PRDM15: variants seen among roughly 807,000 people sequenced by gnomAD.
PRDM15 encodes PR/SET domain 15.
PRDM15 carries 64 observed loss-of-function variants against 128.6 expected under a neutral mutation model. The ratio of observed to expected loss-of-function variants is 0.50; its 90% CI spans 0.41 to 0.61. The LOEUF is 0.61. Among genes scored for constraint, PRDM15 ranks in the 20% least tolerant of loss-of-function variants. The probability of loss-of-function intolerance (pLI) is 0.00; values close to 1 mark genes in which losing one functional copy is unlikely to be tolerated. For missense variants in PRDM15, 1,242 were observed against 1,569.1 expected (o/e 0.79, Z 3.52); for synonymous variants, 615 against 621.8 (o/e 0.99, Z 0.16).
At chr21:41,803,043 G>A (rs1216560444) in intron 22 of PRDM15, 122 bp from the exon 23 acceptor site, 8 of 757,034 alleles carry the variant, frequency 1.1e-5, no homozygotes, top group East Asian at 9.9e-5. Flanking sequence ...GTGGGCCACC[G>A]AGCTGCCACA....
chr21:41,848,476 T>C (rs558169272), intron 5 of PRDM15, among the ~76,000 whole-genome samples: 11 of 152,304 alleles, frequency 7.2e-5, no homozygotes, highest in Non-Finnish European at 1.5e-4. Flanking sequence ...TCTGTTCCCT[T>C]TTACGCTTGC....
At chr21:41,816,525 G>A (rs1388349188) in intron 18 of PRDM15, among the ~76,000 whole-genome samples, 1 of 152,218 alleles carries the variant, frequency 6.6e-6, no homozygotes, top group Non-Finnish European at 1.5e-5. Context: ...TGCCTGCCCA[G>A]GGCGGTGGGC....
At chr21:41,825,740 T>C (rs572077150) in intron 13 of PRDM15, among the ~76,000 whole-genome samples, 24 of 152,290 alleles carry the variant, frequency 1.6e-4, no homozygotes, top group African/African-American at 5.5e-4. Context: ...GGAAGAATCC[T>C]TCTTTCTCAG....
intron 21 of PRDM15, 101 bp from the exon 22 acceptor site, chr21:41,804,715 C>T: frequency 1.3e-6 from 1 of 796,916 alleles, no homozygotes; most frequent in Non-Finnish European, 1.9e-6. Flanking sequence ...ACCACTCCTG[C>T]CCTTCCCTCC....
Position 41,852,638 on chromosome 21 carries a change from C to T in PRDM15, c.538+1928G>A, listed in dbSNP as rs573442236. Reference sequence around the variant, plus strand: ...GTCTTTCTCTGCGAAGGGTGCGAAGCCCCCAGTACACTCAGCTCACTTTAC... The same window carrying T: ...GTCTTTCTCTGCGAAGGGTGCGAAGTCCCCAGTACACTCAGCTCACTTTAC... On this transcript the variant is annotated intron_variant, in intron 5 of 23. Coordinates refer to ENST00000398548, the MANE Select transcript of PRDM15 (RefSeq NM_001040424.3). 2.3e-4 allele frequency among the ~76,000 whole-genome samples: 35 copies of T among 152,364 alleles called. No individual in the cohort carries two copies. The South Asian group carries it at 6.4e-3, about 28-fold the overall frequency.
At chr21:41,866,200 G>A (rs1239708347) in intron 1 of PRDM15, among the ~76,000 whole-genome samples, 2 of 152,230 alleles carry the variant, frequency 1.3e-5, no homozygotes, top group African/African-American at 2.4e-5. Flanking sequence ...AGATAATTAA[G>A]AGTGGTTGGA....
At chr21:41,818,767 G>A (rs1363329316) in intron 18 of PRDM15, among the ~76,000 whole-genome samples, 2 of 152,026 alleles carry the variant, frequency 1.3e-5, no homozygotes, top group Non-Finnish European at 2.9e-5. Context: ...AAACTTTTAG[G>A]AAGTTGTTTT....
chr21:41,850,661 G>A (rs146035693), intron 5 of PRDM15, among the ~76,000 whole-genome samples: 12 of 152,284 alleles, frequency 7.9e-5, no homozygotes, highest in East Asian at 5.8e-4. Flanking sequence ...TTGAGCCCAC[G>A]AGGGCGGCTG....
At chr21:41,803,063 G>A in intron 22 of PRDM15, 142 bp from the exon 23 acceptor site, 2 of 697,106 alleles carry the variant, frequency 2.9e-6, no homozygotes. Context: ...AAGAAACAGT[G>A]ACCACAGCTG....
chr21:41,855,708 G>C (rs2063559746), intron 4 of PRDM15, among the ~76,000 whole-genome samples: 3 of 152,182 alleles, frequency 2.0e-5, no homozygotes, highest in African/African-American at 7.2e-5. Flanking sequence ...TCGCGTAGCT[G>C]AAGGACCACC....
At chr21:41,874,096 G>C (rs1247426433) in intron 1 of PRDM15, among the ~76,000 whole-genome samples, 1 of 148,458 alleles carries the variant, frequency 6.7e-6, no homozygotes, top group African/African-American at 2.5e-5. Flanking sequence ...AAAGCAAACT[G>C]AGGTAGTGTA....
intron 13 of PRDM15, among the ~76,000 whole-genome samples, chr21:41,824,928 G>A (rs188973264): frequency 1.3e-5 from 2 of 152,378 alleles, no homozygotes; most frequent in East Asian, 1.9e-4. Context: ...CGGTGACAGC[G>A]GGCCTCCTGC....
intron 1 of PRDM15, among the ~76,000 whole-genome samples, chr21:41,878,221 G>GT (rs1241519687): frequency 6.6e-6 from 1 of 152,186 alleles, no homozygotes; most frequent in South Asian, 2.1e-4. Context: ...AGCCAATGTG[G>GT]TTTTTTTAAA....
chr21:41,860,700 T>C (rs1450550072), intron 1 of PRDM15, among the ~76,000 whole-genome samples: 1 of 152,068 alleles, frequency 6.6e-6, no homozygotes, highest in Non-Finnish European at 1.5e-5. Flanking sequence ...GGATTACAGG[T>C]GTGAGCCACC....
rs2061354088 is a variant in PRDM15, at chr21:41,798,706, T to C, written c.*2534A>G. The C allele has an allele frequency of 6.6e-6, 1 of 152,238 alleles. No individual in the cohort carries two copies. Among genetic ancestry groups the C allele is most frequent in the Admixed American group, 6.5e-5 (1 of 15,286 alleles). 9.4% of individuals were successfully genotyped at this position (152,238 alleles called of 1,614,324 possible). A position where few individuals can be genotyped will look rare whatever the true frequency, so the allele number is the denominator to read the frequency against. Reference sequence around the variant, plus strand: ...CACAGAGCCTGGTGGCCACAATGGCTGGATCTAATGTCTTCCTTTATGAAT... The same window carrying C: ...CACAGAGCCTGGTGGCCACAATGGCCGGATCTAATGTCTTCCTTTATGAAT... On this transcript the variant is annotated 3_prime_UTR_variant, in exon 24 of 24. Transcript: ENST00000398548.
Position 41,854,593 on chromosome 21 carries a change from G to A in PRDM15, c.511C>T (p.Leu171=). ...FYAKKMDKPM[L]KQAGSGVHAA... ...TGGACGCCAGAGCCGGCCTGCTTCA[G>A]CATGGGCTTGTCCATCTTCTTGGCA... is the stretch of plus-strand genomic sequence containing the variant. The change falls in exon 5 of 24, where the codon CTG becomes TTG. Residue 171 remains leucine, a synonymous_variant. Coordinates refer to ENST00000398548, the MANE Select transcript of PRDM15 (RefSeq NM_001040424.3). The surrounding 1 kb of genome is among the most constrained non-coding windows in gnomAD (Gnocchi z 4.6). 6.2e-7 allele frequency: 1 copy of A among 1,613,556 alleles called. No individual in the cohort carries two copies. The highest frequency in any genetic ancestry group is 8.5e-7 in the Non-Finnish European group (1 of 1,179,976).
intron 19 of PRDM15, chr21:41,812,913 G>A (rs28516947): frequency 0.27 from 41,093 of 152,180 alleles, 5,859 homozygotes; most frequent in East Asian, 0.41. Context: ...CACAGGACCC[G>A]TGTTCCCCGG....
At position 41,821,561 on chromosome 21, in the gene PRDM15, G is replaced by A. The variant is rs2062267127; in HGVS notation, c.1897-331C>T. On this transcript the variant is annotated intron_variant, in intron 15 of 23. Coordinates refer to ENST00000398548, the MANE Select transcript of PRDM15 (RefSeq NM_001040424.3). This position sits in a 1 kb window ranked among gnomAD's most constrained non-coding sequence, Gnocchi z 5.4. ...GAGAGAAGGGGAGGGGAAAAGGGGA[G>A]GAGAGAGGCGCCCCAGCCTGCAGCC... 6.6e-6 allele frequency among the ~76,000 whole-genome samples: 1 copy of A among 152,186 alleles called. No homozygotes were observed. The highest frequency in any genetic ancestry group is 2.1e-4 in the South Asian group (1 of 4,832).
chr21:41,810,639 T>C lies in PRDM15; in HGVS notation c.2476+114A>G. On this transcript the variant is annotated intron_variant, in intron 20 of 23. Coordinates refer to ENST00000398548, the MANE Select transcript of PRDM15 (RefSeq NM_001040424.3). This position sits in a 1 kb window ranked among gnomAD's most constrained non-coding sequence, Gnocchi z 6.4. ...ACCATGAAGCCAAGACAACACTAAA[T>C]GTGCTGGAACCGTCTAGATAATAGA... The C allele has an allele frequency of 2.3e-6, 2 of 855,230 alleles. No homozygotes were observed. The highest frequency in any genetic ancestry group is 3.8e-6 in the Non-Finnish European group (2 of 522,006). The allele number at this position is 855,230 out of a possible 1,614,324, so 53.0% of individuals were successfully genotyped here.
Sources: allele counts gnomAD v4.1 joint callset (sites outside exome capture counted in the v4.1 genomes callset), GRCh38; gene constraint gnomAD v4.1.1; non-coding constraint Gnocchi (gnomAD v3.1); transcripts MANE v1.5; gene names NCBI Gene and HGNC (gene_info 2026-07-23, HGNC 2026-07-21).